The following EPHA6 variants were observed in gnomAD, a reference collection of about 807,000 sequenced individuals.
The protein encoded by EPHA6 is EPH receptor A6.
Under a neutral mutation model 112.0 loss-of-function variants are expected in EPHA6, and 50 were observed. The observed-to-expected ratio is 0.45, with a 90% CI of 0.36 to 0.56. The LOEUF is 0.56. Among genes scored for constraint, EPHA6 ranks in the 20% least tolerant of loss-of-function variants. The pLI is 0.00. For synonymous variants in EPHA6, 529 were observed against 490.7 expected (o/e 1.08, Z -1.03); for missense variants, 1,280 against 1,417.4 (o/e 0.90, Z 1.56).
At chr3:96,842,259 C>A (rs1203652105) in intron 1 of EPHA6, among the ~76,000 whole-genome samples, 1 of 152,088 alleles carries the variant, frequency 6.6e-6, no homozygotes, top group African/African-American at 2.4e-5. Context: ...TGGAAAATCT[C>A]ATCCTAGTCC....
chr3:96,959,599 A>G (rs375326264), intron 2 of EPHA6, among the ~76,000 whole-genome samples: 1 of 152,140 alleles, frequency 6.6e-6, no homozygotes, highest in Non-Finnish European at 1.5e-5. Context: ...ATTTACTCCC[A>G]TAAATTCTTT....
chr3:97,088,135 C>G (rs866583578), intron 3 of EPHA6, among the ~76,000 whole-genome samples: 3 of 152,002 alleles, frequency 2.0e-5, no homozygotes, highest in Middle Eastern at 3.4e-3. Context: ...GAGCCGAGAT[C>G]GTGCCACTAC....
chr3:97,559,349 G>C (rs73134913), intron 11 of EPHA6, among the ~76,000 whole-genome samples: 1 of 151,956 alleles, frequency 6.6e-6, no homozygotes, highest in Non-Finnish European at 1.5e-5. Flanking sequence ...AGAGATTTTG[G>C]TGAATATGTG....
chr3:97,534,195 G>A (rs999290628), intron 11 of EPHA6, among the ~76,000 whole-genome samples: 4 of 152,088 alleles, frequency 2.6e-5, no homozygotes, highest in Non-Finnish European at 5.9e-5. Context: ...TTGTCAATGT[G>A]TAATACATTT....
chr3:97,273,120 T>G (rs1032508732), intron 5 of EPHA6, among the ~76,000 whole-genome samples: 1 of 152,078 alleles, frequency 6.6e-6, no homozygotes, highest in African/African-American at 2.4e-5. Flanking sequence ...TGGATATGGT[T>G]TTGTATGAAT....
At position 97,736,024 on chromosome 3, in the gene EPHA6, A is replaced by G. The variant is rs770970845; in HGVS notation, c.3034A>G (p.Asn1012Asp). The G allele has an allele frequency of 3.1e-6, 5 of 1,612,758 alleles. No homozygotes were observed. The East Asian group carries it at 6.7e-5, about 22-fold the overall frequency. Residue 1012 changes from asparagine (N) to aspartate (D), a missense_variant, in exon 16 of 18, where the codon AAT becomes GAT. By Grantham distance (23) the Asn-to-Asp change is conservative. Around this residue, in one of 4 missense-constraint regions of EPHA6, gnomAD observed 145 missense variants for 153.3 expected, o/e 0.95. Transcript: ENST00000389672. ...LMLHCWQKERNHRPKFTDIVS... is the reference protein window; with the variant it reads ...LMLHCWQKERDHRPKFTDIVS... Reference sequence around the variant, plus strand: ...GCTCCACTGCTGGCAGAAGGAGAGAAATCACAGACCAAAATTTACTGACAT... The same window carrying G: ...GCTCCACTGCTGGCAGAAGGAGAGAGATCACAGACCAAAATTTACTGACAT...
chr3:97,725,430 A>T (rs2034718503), intron 15 of EPHA6, among the ~76,000 whole-genome samples: 1 of 152,124 alleles, frequency 6.6e-6, no homozygotes, highest in African/African-American at 2.4e-5. Context: ...TTTCCCCATA[A>T]TTACCTCTAG....
At chr3:97,605,910 G>C (rs749307953) in intron 12 of EPHA6, among the ~76,000 whole-genome samples, 11 of 151,220 alleles carry the variant, frequency 7.3e-5, no homozygotes, top group Non-Finnish European at 1.6e-4. Flanking sequence ...TTTCATTTCT[G>C]ATTTATTTCA....
intron 3 of EPHA6, among the ~76,000 whole-genome samples, chr3:97,154,355 A>G (rs1389422487): frequency 1.3e-5 from 2 of 152,038 alleles, no homozygotes; most frequent in African/African-American, 4.8e-5. Flanking sequence ...TTTCTTTTAA[A>G]TTGGCAAATA....
chr3:96,980,862 G>A (rs576614977), intron 2 of EPHA6, among the ~76,000 whole-genome samples: 40 of 152,170 alleles, frequency 2.6e-4, no homozygotes, highest in African/African-American at 8.7e-4. Context: ...TTCTGTTATT[G>A]GTGTATAAGA....
intron 3 of EPHA6, among the ~76,000 whole-genome samples, chr3:97,008,321 C>T (rs2107931614): frequency 6.6e-6 from 1 of 152,092 alleles, no homozygotes; most frequent in Non-Finnish European, 1.5e-5. Flanking sequence ...TCTTTTTTCT[C>T]TATTCTTGTC....
chr3:97,749,031 G>A lies in EPHA6; in HGVS notation c.*330G>A, dbSNP rs2035827067. 3.1e-6 allele frequency: 1 copy of A among 318,182 alleles called. No homozygotes were observed. Among genetic ancestry groups the A allele is most frequent in the South Asian group, 6.8e-5 (1 of 14,784 alleles). The allele number at this position is 318,182 out of a possible 1,614,324, so 19.7% of individuals were successfully genotyped here. A position where few individuals can be genotyped will look rare whatever the true frequency, so the allele number is the denominator to read the frequency against. Reference sequence around the variant, plus strand: ...TAACCTAAAAAAATTTATCCAGGTGGGGCTTCCTTAGTGATGTATGTAGAG... The same window carrying A: ...TAACCTAAAAAAATTTATCCAGGTGAGGCTTCCTTAGTGATGTATGTAGAG... On this transcript the variant is annotated 3_prime_UTR_variant, in exon 18 of 18. Transcript: ENST00000389672.
intron 1 of EPHA6, among the ~76,000 whole-genome samples, chr3:96,845,623 T>G (rs1411555919): frequency 1.3e-5 from 2 of 152,060 alleles, no homozygotes; most frequent in East Asian, 1.9e-4. Flanking sequence ...TAATCTTTAC[T>G]TGCTAGGAAA....
chr3:97,334,667 A>T (rs949044689), intron 5 of EPHA6, among the ~76,000 whole-genome samples: 2 of 151,804 alleles, frequency 1.3e-5, no homozygotes, highest in African/African-American at 4.8e-5. Context: ...TTAAATAATG[A>T]ATTAAACCTC....
intron 6 of EPHA6, among the ~76,000 whole-genome samples, chr3:97,408,447 T>G (rs568228665): frequency 2.5e-4 from 38 of 152,190 alleles, no homozygotes; most frequent in African/African-American, 8.9e-4. Context: ...CTCCTTTTTT[T>G]CTCTGCCCAA....
intron 2 of EPHA6, among the ~76,000 whole-genome samples, chr3:96,974,591 A>T (rs1407470545): frequency 6.6e-6 from 1 of 152,038 alleles, no homozygotes; most frequent in Non-Finnish European, 1.5e-5. Context: ...ATCGAATTAT[A>T]CATGCTTCTA....
chr3:97,482,341 A>G (rs1460005167), intron 9 of EPHA6, among the ~76,000 whole-genome samples: 2 of 152,222 alleles, frequency 1.3e-5, no homozygotes, highest in African/African-American at 4.8e-5. Flanking sequence ...AGGTTATAGA[A>G]CTCAGTCTGA....
rs555591688 is a variant in EPHA6 at position 97,156,394 on chromosome 3, C to G, written c.1115-69870C>G. ...CTCCAAAAATGTAATTTAATAAAATCAATGTTAGGCAGATTAATATGAATG... is the reference window on the plus strand; with the variant it reads ...CTCCAAAAATGTAATTTAATAAAATGAATGTTAGGCAGATTAATATGAATG... On this transcript the variant is annotated intron_variant, in intron 3 of 17. Transcript: ENST00000389672. 2.0e-5 allele frequency among the ~76,000 whole-genome samples: 3 copies of G among 152,112 alleles called. No homozygotes were observed. The South Asian group carries it at 6.2e-4, about 32-fold the overall frequency.
At chr3:97,311,177 T>G (rs1472919922) in intron 5 of EPHA6, among the ~76,000 whole-genome samples, 1 of 151,712 alleles carries the variant, frequency 6.6e-6, no homozygotes, top group African/African-American at 2.4e-5. Flanking sequence ...AGTATTGATG[T>G]TACATAAAGT....
Sources: gnomAD v4.1 joint callset for allele counts (sites outside exome capture counted in the v4.1 genomes callset) on GRCh38, gnomAD v4.1.1 for gene constraint, gnomAD v4.1.1 regional missense constraint, MANE v1.5 for transcripts, NCBI Gene and HGNC (gene_info 2026-07-23, HGNC 2026-07-21) for gene names.